CCS: variants seen among roughly 807,000 people sequenced by gnomAD.
CCS encodes the protein superoxide dismutase copper chaperone.
In CCS, 32 loss-of-function variants were observed where a neutral mutation model predicts 35.5. That is an observed-to-expected ratio of 0.90 (90% CI 0.68 to 1.21). CCS has a LOEUF of 1.21. CCS is among the 50% of genes most tolerant of loss of function. The pLI, the probability that CCS is intolerant of heterozygous loss-of-function variation, is 0.00. For synonymous variants in CCS, 130 were observed against 147.2 expected (o/e 0.88, Z 0.84); for missense variants, 342 against 375.4 (o/e 0.91, Z 0.73).
chr11:66,594,078 A>T (rs976693446), intron 2 of CCS, among the ~76,000 whole-genome samples: 1 of 152,084 alleles, frequency 6.6e-6, no homozygotes, highest in South Asian at 2.1e-4. Flanking sequence ...TTTCTATACC[A>T]CTGGGTGTGG....
intron 2 of CCS, among the ~76,000 whole-genome samples, chr11:66,597,261 A>G (rs1858492476): frequency 6.6e-6 from 1 of 151,902 alleles, no homozygotes; most frequent in African/African-American, 2.4e-5. Flanking sequence ...GATCGAGACC[A>G]TTCTGGCTAA....
intron 5 of CCS, among the ~76,000 whole-genome samples, chr11:66,601,709 A>G (rs1858574129): frequency 6.6e-6 from 1 of 151,824 alleles, no homozygotes; most frequent in Non-Finnish European, 1.5e-5. Flanking sequence ...GACCACAAGC[A>G]TGTACCATTA....
intron 5 of CCS, among the ~76,000 whole-genome samples, chr11:66,604,091 G>A (rs769085649): frequency 1.3e-5 from 2 of 151,632 alleles, no homozygotes; most frequent in Non-Finnish European, 2.9e-5. Context: ...CTAGCCAGGC[G>A]TAGTGGCGCG....
intron 2 of CCS, among the ~76,000 whole-genome samples, 188 bp downstream of exon 2, chr11:66,593,902 C>G (rs1287436358): frequency 6.6e-6 from 1 of 152,228 alleles, no homozygotes. Flanking sequence ...CCAGCTTGCC[C>G]TGACAGATTC....
chr11:66,600,952 G>A lies in CCS; in HGVS notation c.489+403G>A, dbSNP rs564134482. 3.5e-4 allele frequency among the ~76,000 whole-genome samples: 54 copies of A among 152,284 alleles called. 1 individual carries two copies. The highest frequency in any genetic ancestry group is 4.1e-4 in the South Asian group (2 of 4,824). On this transcript the variant is annotated intron_variant, in intron 5 of 7. Coordinates refer to ENST00000533244, the MANE Select transcript of CCS (RefSeq NM_005125.2). ...ACCTAAACTGAAAAGGCTGTCCCTG[G>A]TGTTCCCTAACACCCCGGTCCTGGA...
intron 5 of CCS, among the ~76,000 whole-genome samples, chr11:66,602,224 T>C (rs1044509871): frequency 2.6e-5 from 4 of 152,206 alleles, no homozygotes; most frequent in African/African-American, 7.2e-5. Context: ...GGGCAGGAAT[T>C]TGTGTGTGAC....
At position 66,605,725 on chromosome 11, in the gene CCS, G is replaced by A. The variant is rs1302260691; in HGVS notation, c.695G>A (p.Arg232His). 6.3e-6 allele frequency: 10 copies of A among 1,592,836 alleles called. No homozygotes were observed. The highest frequency in any genetic ancestry group is 3.4e-5 in the South Asian group (3 of 88,718). The change falls in exon 8 of 8, where the codon CGC becomes CAC. Residue 232 changes from arginine to histidine, a missense_variant. Coordinates refer to ENST00000533244, the MANE Select transcript of CCS (RefSeq NM_005125.2). ...AGGTTGGCCTGTGGCATCATTGCAC[G>A]CTCCGCTGGCCTTTTCCAGAACCCC... ...GERLACGIIA[R>H]SAGLFQNPKQ...
At position 66,599,534 on chromosome 11, in the gene CCS, C is replaced by A; in HGVS notation, c.326C>A (p.Thr109Asn). 1 of 1,599,410 alleles carries A rather than the reference C, an allele frequency of 6.3e-7. No individual in the cohort carries two copies. Among genetic ancestry groups the A allele is most frequent in the South Asian group, 1.1e-5 (1 of 89,466 alleles). ...VQGVVRFLQL[T>N]PERCLIEGTI... ...GGGGTGGTGCGCTTCCTACAGCTGA[C>A]CCCTGAGCGCTGCCTCATCGAGGGA... is the stretch of plus-strand genomic sequence containing the variant. The change falls in exon 4 of 8, where the codon ACC becomes AAC. Residue 109 changes from threonine to asparagine, a missense_variant. Transcript: ENST00000533244.
chr11:66,604,319 C>T (rs1039099186), intron 5 of CCS, among the ~76,000 whole-genome samples: 39 of 152,246 alleles, frequency 2.6e-4, no homozygotes, highest in African/African-American at 9.2e-4. Flanking sequence ...AAATCTCCAA[C>T]GCAGGGCGTA....
chr11:66,595,181 A>G (rs1036012074), intron 2 of CCS, among the ~76,000 whole-genome samples: 1 of 152,210 alleles, frequency 6.6e-6, no homozygotes, highest in African/African-American at 2.4e-5. Flanking sequence ...TAACCGAGTT[A>G]ATACAAAAAA....
intron 5 of CCS, among the ~76,000 whole-genome samples, chr11:66,602,721 C>G (rs1273590708): frequency 6.6e-6 from 1 of 152,200 alleles, no homozygotes; most frequent in Non-Finnish European, 1.5e-5. Flanking sequence ...AGGGCAGGAG[C>G]CTGTCTTGTG....
At position 66,598,073 on chromosome 11, in the gene CCS, G is replaced by T. The variant is rs1858508789; in HGVS notation, c.113-1043G>T. Among the ~76,000 whole-genome samples, 4 of 150,086 alleles carry T rather than the reference G, an allele frequency of 2.7e-5. No homozygotes were observed. The South Asian group carries it at 8.4e-4, about 32-fold the overall frequency. On this transcript the variant is annotated intron_variant, in intron 2 of 7. Coordinates refer to ENST00000533244, the MANE Select transcript of CCS (RefSeq NM_005125.2). ...CACTCCAGCCTGGGTGACACAGCGA[G>T]ACTCTGTCTCAAAAAAAAAAAAAGA...
At chr11:66,596,242 CT>C (rs1475585614) in intron 2 of CCS, among the ~76,000 whole-genome samples, 1 of 151,062 alleles carries the variant, frequency 6.6e-6, no homozygotes, top group African/African-American at 2.4e-5. Flanking sequence ...AATTTTCATA[CT>C]TTTACTAAAG....
At chr11:66,605,014 G>C in intron 5 of CCS, 1 of 864,098 alleles carries the variant, frequency 1.2e-6, no homozygotes, top group Non-Finnish European at 1.6e-6. Context: ...AAAACAGTCT[G>C]ATCCAATGGG....
Position 66,593,232 on chromosome 11 carries a change from C to T in CCS, c.-30C>T, listed in dbSNP as rs111984469. ...TTGGTGCTCCTGCGCCGGAGGAGTT[C>T]TGCGTCTCGGGGTGGTGACTGGGTC... On this transcript the variant is annotated 5_prime_UTR_variant, in exon 1 of 8. Transcript: ENST00000533244. 8 of 1,556,650 alleles carry T rather than the reference C, an allele frequency of 5.1e-6. No individual in the cohort carries two copies. The highest frequency in any genetic ancestry group is 1.4e-5 in the African/African-American group (1 of 73,672).
At chr11:66,598,096 A>G (rs2511223) in intron 2 of CCS, among the ~76,000 whole-genome samples, 1 of 151,818 alleles carries the variant, frequency 6.6e-6, no homozygotes, top group East Asian at 1.9e-4. Context: ...AAAAAAAAAA[A>G]GAAAAAAAAT....
intron 5 of CCS, among the ~76,000 whole-genome samples, chr11:66,603,953 G>T (rs899160615): frequency 6.6e-6 from 1 of 151,608 alleles, no homozygotes; most frequent in Admixed American, 6.6e-5. Context: ...CTTGAACCTG[G>T]GGGGTGGGGA....
At chr11:66,605,143 T>C in intron 5 of CCS, 196 bp from the exon 6 acceptor site, 1 of 1,530,592 alleles carries the variant, frequency 6.5e-7, no homozygotes, top group Non-Finnish European at 8.7e-7. Context: ...TGGACCACTT[T>C]CCACTTCCAG....
intron 2 of CCS, among the ~76,000 whole-genome samples, chr11:66,595,086 T>C (rs139412155): frequency 2.6e-5 from 4 of 152,326 alleles, no homozygotes; most frequent in African/African-American, 9.6e-5. Context: ...TAAGACTTCA[T>C]GCATGTTACT....
Sources: gnomAD v4.1 joint callset for allele counts (sites outside exome capture counted in the v4.1 genomes callset) on GRCh38, gnomAD v4.1.1 for gene constraint, MANE v1.5 for transcripts, NCBI Gene and HGNC (gene_info 2026-07-23, HGNC 2026-07-21) for gene names.